The following SHMT1 variants were observed in gnomAD, a reference collection of about 807,000 sequenced individuals.
The protein encoded by SHMT1 is serine hydroxymethyltransferase 1, also known as serine hydroxymethyltransferase, cytosolic.
In SHMT1, 45 loss-of-function variants were observed where a neutral mutation model predicts 49.0. The ratio of observed to expected loss-of-function variants is 0.92; its 90% CI spans 0.72 to 1.18. The LOEUF (loss-of-function observed/expected upper bound fraction) is 1.18. Ranked by LOEUF, SHMT1 falls within the 50% of genes most tolerant of loss-of-function variation. The pLI is 0.00. For synonymous variants in SHMT1, 232 were observed against 246.6 expected (o/e 0.94, Z 0.55); for missense variants, 541 against 612.4 (o/e 0.88, Z 1.23).
At chr17:18,335,078 G>C (rs979439675) in intron 8 of SHMT1, among the ~76,000 whole-genome samples, 1 of 152,228 alleles carries the variant, frequency 6.6e-6, no homozygotes, top group Non-Finnish European at 1.5e-5. Flanking sequence ...CTTGTACAAA[G>C]AGACAAAGAG....
Position 18,340,679 on chromosome 17 carries a change from T to C in SHMT1, c.601+53A>G, listed in dbSNP as rs748891434. ...CGAACATCTTTCCATCCTCATTCTGTAAGAGGCACCAGGCTACTGGTGAAC... is the reference window on the plus strand; with the variant it reads ...CGAACATCTTTCCATCCTCATTCTGCAAGAGGCACCAGGCTACTGGTGAAC... On this transcript the variant is annotated intron_variant, in intron 6 of 11. Transcript: ENST00000316694. This position sits in a 1 kb window ranked among gnomAD's most constrained non-coding sequence, Gnocchi z 4.5. 1.4e-6 allele frequency: 2 copies of C among 1,475,558 alleles called. No homozygotes were observed. Among genetic ancestry groups the C allele is most frequent in the East Asian group, 4.7e-5 (2 of 42,208 alleles). 91.4% of individuals were successfully genotyped at this position (1,475,558 alleles called of 1,614,324 possible).
chr17:18,344,904 C>G (rs1019808899), intron 5 of SHMT1, among the ~76,000 whole-genome samples: 3 of 152,292 alleles, frequency 2.0e-5, no homozygotes, highest in Middle Eastern at 3.4e-3. Flanking sequence ...TGGAGTGGGG[C>G]AGGGGCTGAA....
At chr17:18,360,646 G>A (rs1373243752) in intron 1 of SHMT1, 2 of 152,154 alleles carry the variant, frequency 1.3e-5, no homozygotes, top group Non-Finnish European at 2.9e-5. Context: ...ACGTCCCGGA[G>A]CTGAAATCTG....
Position 18,340,869 on chromosome 17 carries a change from C to T in SHMT1, c.520-56G>A. On this transcript the variant is annotated intron_variant, in intron 5 of 11. Transcript: ENST00000316694. This position sits in a 1 kb window ranked among gnomAD's most constrained non-coding sequence, Gnocchi z 4.5. ...TGCTTCCTCCAACCACACCTGCCTCCTGTCCTCCCACTTGAACTGGCTCCA... is the reference window on the plus strand; with the variant it reads ...TGCTTCCTCCAACCACACCTGCCTCTTGTCCTCCCACTTGAACTGGCTCCA... 1 of 1,289,072 alleles carries T rather than the reference C, an allele frequency of 7.8e-7. No individual in the cohort carries two copies. Among genetic ancestry groups the T allele is most frequent in the Non-Finnish European group, 1.1e-6 (1 of 904,576 alleles). The allele number at this position is 1,289,072 out of a possible 1,614,324, so 79.9% of individuals were successfully genotyped here.
intron 3 of SHMT1, among the ~76,000 whole-genome samples, chr17:18,350,239 G>A (rs902570539): frequency 2.6e-5 from 4 of 152,068 alleles, no homozygotes; most frequent in African/African-American, 4.8e-5. Context: ...GCTGAGGCAG[G>A]AGAATGGCGT....
At position 18,347,591 on chromosome 17, in the gene SHMT1, C is replaced by A. The variant is rs1473985702; in HGVS notation, c.424G>T (p.Asp142Tyr). ...VEPHGRIMGLDLPDGGHLTHG... is the reference protein window; with the variant it reads ...VEPHGRIMGLYLPDGGHLTHG... ...GTCAGGTGGCCCCCATCCGGAAGGT[C>A]CAGGCCCATGATGCGCCCATGGGGT... The change falls in exon 5 of 12, where the codon GAC (aspartate) becomes TAC (tyrosine). Residue 142 changes from aspartate to tyrosine, a missense_variant. Transcript: ENST00000316694. 6.2e-7 allele frequency: 1 copy of A among 1,614,190 alleles called. No homozygotes were observed. Among genetic ancestry groups the A allele is most frequent in the Non-Finnish European group, 8.5e-7 (1 of 1,180,026 alleles).
rs1985238219 is a variant in SHMT1 at position 18,347,676 on chromosome 17, G to A, written c.359-20C>T. 6.2e-7 allele frequency: 1 copy of A among 1,614,018 alleles called. No homozygotes were observed. The highest frequency in any genetic ancestry group is 8.5e-7 in the Non-Finnish European group (1 of 1,179,950). ...GGGAGCCTGAAACGAGTGGACCAGA[G>A]GAGACATGATTATTTCTAACTGAGG... On this transcript the variant is annotated intron_variant, in intron 4 of 11. Transcript: ENST00000316694.
chr17:18,360,042 G>T (rs905595004), intron 1 of SHMT1, among the ~76,000 whole-genome samples: 61 of 152,082 alleles, frequency 4.0e-4, no homozygotes, highest in Non-Finnish European at 1.2e-4. Flanking sequence ...GAGGTCAGGA[G>T]TTCGAGACCA....
At position 18,338,392 on chromosome 17, in the gene SHMT1, G is replaced by A. The variant is rs565825184; in HGVS notation, c.814+1651C>T. On this transcript the variant is annotated intron_variant, in intron 7 of 11. Coordinates refer to ENST00000316694, the MANE Select transcript of SHMT1 (RefSeq NM_004169.5). ...CCCCGCCCAGCCAGCCGCCCCGTCCGGGAGGGAGGTGGGGGGCAGCCCCCG... is the reference window on the plus strand; with the variant it reads ...CCCCGCCCAGCCAGCCGCCCCGTCCAGGAGGGAGGTGGGGGGCAGCCCCCG... Among the ~76,000 whole-genome samples, 550 of 151,504 alleles carry A rather than the reference G, an allele frequency of 3.6e-3. 6 individuals are homozygous for A. Among genetic ancestry groups the A allele is most frequent in the Non-Finnish European group, 3.4e-3 (232 of 67,888 alleles).
At chr17:18,341,333 TACA>T (rs976713940) in intron 5 of SHMT1, 2 of 182,070 alleles carry the variant, frequency 1.1e-5, no homozygotes, top group African/African-American at 4.8e-5. Flanking sequence ...GGTCACTGGA[TACA>T]ACATTGAAAA....
Position 18,340,270 on chromosome 17 carries a change from G to A in SHMT1, c.602-15C>T, listed in dbSNP as rs1208520871. 1.9e-6 allele frequency: 3 copies of A among 1,613,466 alleles called. No individual in the cohort carries two copies. The highest frequency in any genetic ancestry group is 2.7e-5 in the African/African-American group (2 of 74,942). ...GCAGCTGGTTCCTGAGACAGGAAAG[G>A]TGACACAGCTGCATCAGAGATGTCC... On this transcript the variant is annotated splice_polypyrimidine_tract_variant and intron_variant, in intron 6 of 11. Coordinates refer to ENST00000316694, the MANE Select transcript of SHMT1 (RefSeq NM_004169.5). This position sits in a 1 kb window ranked among gnomAD's most constrained non-coding sequence, Gnocchi z 4.5.
intron 3 of SHMT1, among the ~76,000 whole-genome samples, chr17:18,350,623 C>T (rs915509574): frequency 9.9e-5 from 15 of 152,000 alleles, no homozygotes; most frequent in African/African-American, 3.6e-4. Context: ...GGCAAGACAA[C>T]GAGACCTTGT....
At chr17:18,352,645 G>A (rs1985839691) in intron 3 of SHMT1, among the ~76,000 whole-genome samples, 1 of 151,932 alleles carries the variant, frequency 6.6e-6, no homozygotes, top group Non-Finnish European at 1.5e-5. Flanking sequence ...ACAACAGCCT[G>A]GGTGAAACTC....
chr17:18,328,442 A>G lies in SHMT1; in HGVS notation c.*308T>C, dbSNP rs1182253824. ...AATCTTTCTAACAGCTTTGCCCTACACCACCATCTAAATGATTATGACCAA... is the reference window on the plus strand; with the variant it reads ...AATCTTTCTAACAGCTTTGCCCTACGCCACCATCTAAATGATTATGACCAA... On this transcript the variant is annotated 3_prime_UTR_variant, in exon 12 of 12. Coordinates refer to ENST00000316694, the MANE Select transcript of SHMT1 (RefSeq NM_004169.5). 4.2e-5 allele frequency: 17 copies of G among 405,620 alleles called. No individual in the cohort carries two copies. Among genetic ancestry groups the G allele is most frequent in the South Asian group, 3.6e-4 (16 of 44,516 alleles). The allele number at this position is 405,620 out of a possible 1,614,324, so 25.1% of individuals were successfully genotyped here.
At position 18,335,563 on chromosome 17, in the gene SHMT1, A is replaced by C. The variant is rs2151570607; in HGVS notation, c.927T>G (p.Ile309Met). The change falls in exon 8 of 12, where the codon ATT becomes ATG. Residue 309 changes from isoleucine (I) to methionine (M), a missense_variant. By Grantham distance (10) the Ile-to-Met change is conservative. Transcript: ENST00000316694. Reference sequence around the variant, plus strand: ...CAGAGGCAGATGATGTTTTACCAGCAATGGCGTGGTTGTGGGGACCTCCCT... The same window carrying C: ...CAGAGGCAGATGATGTTTTACCAGCCATGGCGTGGTTGTGGGGACCTCCCT... ...GLQGGPHNHA[I>M]AGVAVALKQA... 1.2e-6 allele frequency: 2 copies of C among 1,601,458 alleles called. No homozygotes were observed. Among genetic ancestry groups the C allele is most frequent in the East Asian group, 2.2e-5 (1 of 44,812 alleles).
intron 3 of SHMT1, among the ~76,000 whole-genome samples, chr17:18,350,728 A>G (rs1459510106): frequency 6.7e-6 from 1 of 149,668 alleles, no homozygotes; most frequent in Non-Finnish European, 1.5e-5. Context: ...TTAGGTCAAC[A>G]CTGTTTTCTT....
At chr17:18,350,338 A>G (rs1042920529) in intron 3 of SHMT1, among the ~76,000 whole-genome samples, 1 of 151,520 alleles carries the variant, frequency 6.6e-6, no homozygotes, top group African/African-American at 2.4e-5. Flanking sequence ...CTCAAAATAA[A>G]TAAATAAATA....
intron 3 of SHMT1, among the ~76,000 whole-genome samples, chr17:18,350,993 G>T (rs181745452): frequency 7.9e-5 from 12 of 151,982 alleles, no homozygotes; most frequent in African/African-American, 2.7e-4. Flanking sequence ...TCAGCCTCCC[G>T]AAGTGCTGGG....
intron 1 of SHMT1, among the ~76,000 whole-genome samples, chr17:18,361,787 A>G (rs1986805135): frequency 6.7e-6 from 1 of 148,210 alleles, no homozygotes; most frequent in African/African-American, 2.4e-5. Flanking sequence ...CTCCGTCTCA[A>G]AAAAAAAAAA....
Sources: gnomAD v4.1 joint callset for allele counts (sites outside exome capture counted in the v4.1 genomes callset) on GRCh38, gnomAD v4.1.1 for gene constraint, Gnocchi (gnomAD v3.1) non-coding constraint, MANE v1.5 for transcripts, NCBI Gene and HGNC (gene_info 2026-07-23, HGNC 2026-07-21) for gene names.